The following NUP93 variants were observed in gnomAD, a reference collection of about 807,000 sequenced individuals.
NUP93 encodes the protein nuclear pore complex protein Nup93.
NUP93 carries 55 observed loss-of-function variants against 107.8 expected under a neutral mutation model. That is an observed-to-expected ratio of 0.51 (90% CI 0.41 to 0.64). The LOEUF (loss-of-function observed/expected upper bound fraction) is 0.64. Ranked by LOEUF, NUP93 falls within the 30% of genes least tolerant of loss-of-function variation. The probability of loss-of-function intolerance (pLI) is 0.00; values close to 1 mark genes in which losing one functional copy is unlikely to be tolerated. For missense variants in NUP93, 937 were observed against 1,044.7 expected, an observed-to-expected ratio of 0.90 and a Z score of 1.42; for synonymous variants, 390 against 397.5, an observed-to-expected ratio of 0.98 and a Z score of 0.22.
At chr16:56,757,771 A>G (rs1232242670) in intron 2 of NUP93, among the ~76,000 whole-genome samples, 1 of 152,240 alleles carries the variant, frequency 6.6e-6, no homozygotes, top group African/African-American at 2.4e-5. Flanking sequence ...GAAGCCATGG[A>G]GAACTGGCCT....
intron 3 of NUP93, among the ~76,000 whole-genome samples, chr16:56,766,064 T>C (rs1229614905): frequency 1.3e-5 from 2 of 152,218 alleles, no homozygotes; most frequent in Admixed American, 6.5e-5. Flanking sequence ...TCAGCCTTTT[T>C]ATTTATCCAT....
At position 56,762,877 on chromosome 16, in the gene NUP93, G is replaced by A. The variant is rs116463631; in HGVS notation, c.297+4222G>A. Reference sequence around the variant, plus strand: ...CTTCGGTCTCTTCCTCCATCTTCACGGGGTTCTTCCTTGTGTGTGTCAGGT... The same window carrying A: ...CTTCGGTCTCTTCCTCCATCTTCACAGGGTTCTTCCTTGTGTGTGTCAGGT... On this transcript the variant is annotated intron_variant, in intron 3 of 21. Transcript: ENST00000308159. Among the ~76,000 whole-genome samples the A allele has an allele frequency of 2.1e-3, 315 of 152,108 alleles. 2 individuals carry two copies. Among genetic ancestry groups the A allele is most frequent in the African/African-American group, 7.2e-3 (300 of 41,496 alleles).
intron 1 of NUP93, among the ~76,000 whole-genome samples, chr16:56,739,184 A>T (rs1214284427): frequency 7.6e-6 from 1 of 130,760 alleles, no homozygotes; most frequent in East Asian, 2.3e-4. Flanking sequence ...TTTCTATTCC[A>T]CAAAGCCGCC....
chr16:56,770,300 G>A (rs1387419617), intron 3 of NUP93, among the ~76,000 whole-genome samples: 1 of 152,194 alleles, frequency 6.6e-6, no homozygotes, highest in African/African-American at 2.4e-5. Context: ...TTTATGGAGA[G>A]AGCTGGCCAG....
chr16:56,789,078 T>C (rs1962695872), intron 3 of NUP93, among the ~76,000 whole-genome samples: 1 of 152,096 alleles, frequency 6.6e-6, no homozygotes. Flanking sequence ...CAAAAGGCAT[T>C]TGGATAGACT....
intron 2 of NUP93, among the ~76,000 whole-genome samples, chr16:56,752,190 T>G (rs1597105608): frequency 6.6e-6 from 1 of 152,230 alleles, no homozygotes; most frequent in East Asian, 1.9e-4. Context: ...GGACAAAATT[T>G]AGACATAGCT....
intron 3 of NUP93, among the ~76,000 whole-genome samples, chr16:56,780,406 T>G (rs1358913816): frequency 6.6e-6 from 1 of 152,242 alleles, no homozygotes; most frequent in Non-Finnish European, 1.5e-5. Flanking sequence ...ATTTTTATGC[T>G]AGTAACATAA....
chr16:56,837,767 C>A, intron 18 of NUP93, 41 bp downstream of exon 18: 5 of 1,465,364 alleles, frequency 3.4e-6, no homozygotes, highest in Non-Finnish European at 3.8e-6. Flanking sequence ...GAGGGTGCCA[C>A]TGCCAGTGCC....
chr16:56,771,265 G>T (rs1276170878), intron 3 of NUP93, among the ~76,000 whole-genome samples: 1 of 152,238 alleles, frequency 6.6e-6, no homozygotes, highest in Non-Finnish European at 1.5e-5. Context: ...TGCAGTGTAT[G>T]AGATGGATTG....
rs577526150 is a variant in NUP93 at position 56,830,458 on chromosome 16, G to A, written c.928-70G>A. 124 of 1,418,810 alleles carry A rather than the reference G, an allele frequency of 8.7e-5. No homozygotes were observed. In the South Asian group the frequency reaches 1.7e-3, roughly 20 times the overall value. The allele number at this position is 1,418,810 out of a possible 1,614,324, so 87.9% of individuals were successfully genotyped here. A position where few individuals can be genotyped will look rare whatever the true frequency, so the allele number is the denominator to read the frequency against. Reference sequence around the variant, plus strand: ...ATTATAAAGGAGAGGGGCTTAGCTCGGTTTTAGCACATATGAAAGCAGTCA... The same window carrying A: ...ATTATAAAGGAGAGGGGCTTAGCTCAGTTTTAGCACATATGAAAGCAGTCA... On this transcript the variant is annotated intron_variant, in intron 9 of 21. Coordinates refer to ENST00000308159, the MANE Select transcript of NUP93 (RefSeq NM_014669.5).
chr16:56,772,398 T>C (rs1302883355), intron 3 of NUP93, among the ~76,000 whole-genome samples: 5 of 152,256 alleles, frequency 3.3e-5, no homozygotes, highest in Admixed American at 3.3e-4. Flanking sequence ...ACTTTTCTTA[T>C]GCCTTGCTGA....
At chr16:56,834,874 A>G in intron 16 of NUP93, 96 bp downstream of exon 16, 1 of 1,029,394 alleles carries the variant, frequency 9.7e-7, no homozygotes, top group South Asian at 1.5e-5. Flanking sequence ...AAGGTACTAA[A>G]GATGCAAATC....
At position 56,844,488 on chromosome 16, in the gene NUP93, T is replaced by C; in HGVS notation, c.2350-11T>C. 7.0e-7 allele frequency: 1 copy of C among 1,425,082 alleles called. No homozygotes were observed. The highest frequency in any genetic ancestry group is 9.3e-7 in the Non-Finnish European group (1 of 1,074,416). 88.3% of individuals were successfully genotyped at this position (1,425,082 alleles called of 1,614,324 possible). Reference sequence around the variant, plus strand: ...AACCGATTTCCTTCCCTTCCTTCCCTTCTCTCTCAGCAACTCCGAAGTCAA... The same window carrying C: ...AACCGATTTCCTTCCCTTCCTTCCCCTCTCTCTCAGCAACTCCGAAGTCAA... On this transcript the variant is annotated splice_polypyrimidine_tract_variant and intron_variant, in intron 21 of 21. Coordinates refer to ENST00000308159, the MANE Select transcript of NUP93 (RefSeq NM_014669.5).
At chr16:56,755,614 G>A (rs150298388) in intron 2 of NUP93, among the ~76,000 whole-genome samples, 9 of 152,238 alleles carry the variant, frequency 5.9e-5, no homozygotes, top group Non-Finnish European at 1.2e-4. Context: ...GGTCGCTCAC[G>A]CCTGTAATCC....
chr16:56,821,524 A>G lies in NUP93; in HGVS notation c.585A>G (p.Lys195=), dbSNP rs763780949. The change falls in exon 7 of 22, where the codon AAA becomes AAG. Residue 195 remains lysine, a synonymous_variant. Transcript: ENST00000308159. ...YARQIYIYNE[K]IVNGHLQPNL... ...TTCAGATTTATATCTATAATGAGAAAATTGTAAATGGACACCTGCAGCCTA... is the reference window on the plus strand; with the variant it reads ...TTCAGATTTATATCTATAATGAGAAGATTGTAAATGGACACCTGCAGCCTA... The G allele has an allele frequency of 6.5e-5, 105 of 1,611,314 alleles. No individual in the cohort carries two copies. The Admixed American group carries it at 1.7e-3, about 26-fold the overall frequency.
intron 6 of NUP93, among the ~76,000 whole-genome samples, chr16:56,819,010 G>A (rs771197630): frequency 1.3e-5 from 2 of 152,228 alleles, no homozygotes; most frequent in South Asian, 2.1e-4. Context: ...CCCATGTACA[G>A]TAAAGCTTCA....
At chr16:56,758,830 T>G (rs952926338) in intron 3 of NUP93, among the ~76,000 whole-genome samples, 175 bp downstream of exon 3, 4 of 152,228 alleles carry the variant, frequency 2.6e-5, no homozygotes, top group African/African-American at 4.8e-5. Flanking sequence ...AACATTGGGT[T>G]ATTTTCAGAG....
intron 1 of NUP93, among the ~76,000 whole-genome samples, chr16:56,747,249 C>T (rs1252766938): frequency 2.0e-5 from 3 of 152,226 alleles, no homozygotes; most frequent in African/African-American, 7.2e-5. Context: ...ATCTGCCCGC[C>T]TCGGCCTCCC....
At chr16:56,805,742 A>G in intron 5 of NUP93, 110 bp downstream of exon 5, 2 of 1,213,342 alleles carry the variant, frequency 1.6e-6, no homozygotes, top group Admixed American at 2.1e-5. Flanking sequence ...TTCCCCTTGA[A>G]ACACTTTCTT....
Sources: gnomAD v4.1 joint callset for allele counts (sites outside exome capture counted in the v4.1 genomes callset) on GRCh38, gnomAD v4.1.1 for gene constraint, MANE v1.5 for transcripts, NCBI Gene and HGNC (gene_info 2026-07-23, HGNC 2026-07-21) for gene names.